The following RNGTT variants were observed in gnomAD, a reference collection of about 807,000 sequenced individuals.
RNGTT encodes the protein RNA guanylyltransferase and 5'-phosphatase.
RNGTT carries 33 observed loss-of-function variants against 79.3 expected under a neutral mutation model. The ratio of observed to expected loss-of-function variants is 0.42; its 90% confidence interval spans 0.32 to 0.56. RNGTT has a LOEUF of 0.56. Among genes scored for constraint, RNGTT ranks in the 20% least tolerant of loss-of-function variants. The pLI is 0.17. For missense variants in RNGTT, 497 were observed against 739.1 expected, an observed-to-expected ratio of 0.67 and a Z score of 3.80; for synonymous variants, 222 against 235.9, an observed-to-expected ratio of 0.94 and a Z score of 0.54.
At chr6:88,686,019 A>G (rs951886178) in intron 13 of RNGTT, among the ~76,000 whole-genome samples, 1 of 151,376 alleles carries the variant, frequency 6.6e-6, no homozygotes, top group Admixed American at 6.6e-5. Flanking sequence ...CATAATATAT[A>G]TACATATGTA....
At chr6:88,726,376 A>G (rs1159045957) in intron 13 of RNGTT, among the ~76,000 whole-genome samples, 1 of 138,064 alleles carries the variant, frequency 7.2e-6, no homozygotes, top group Non-Finnish European at 1.5e-5. Flanking sequence ...TCAGGTCAGA[A>G]CTATCCTAAG....
At chr6:88,872,794 G>A (rs900142814) in intron 8 of RNGTT, among the ~76,000 whole-genome samples, 8 of 152,130 alleles carry the variant, frequency 5.3e-5, no homozygotes, top group Non-Finnish European at 7.4e-5. Context: ...GAGAAGTACT[G>A]AAAAGTGCTG....
At chr6:88,958,894 G>A (rs1785521249) in intron 1 of RNGTT, among the ~76,000 whole-genome samples, 1 of 152,158 alleles carries the variant, frequency 6.6e-6, no homozygotes, top group Admixed American at 6.5e-5. Flanking sequence ...ATCTGAAAAA[G>A]CCACTTGCAC....
rs190895100 is a variant in RNGTT at position 88,955,482 on chromosome 6, G to A, written c.64+7864C>T. Among the ~76,000 whole-genome samples, 42 of 150,432 alleles carry A rather than the reference G, an allele frequency of 2.8e-4. 1 individual carries two copies. Among genetic ancestry groups the A allele is most frequent in the Admixed American group, 2.3e-3 (35 of 15,130 alleles). On this transcript the variant is annotated intron_variant, in intron 1 of 15. Transcript: ENST00000369485. ...GCAGAATCGCTTGAACAGAAGAGGC[G>A]GAGGTTGCAGTGAGCCAAGATCGTA...
At chr6:88,629,603 GA>G (rs563981159) in intron 14 of RNGTT, among the ~76,000 whole-genome samples, 2 of 151,546 alleles carry the variant, frequency 1.3e-5, no homozygotes, top group African/African-American at 4.8e-5. Context: ...TGGGAATAAA[GA>G]AAAAAAACAA....
At chr6:88,915,997 C>T (rs983960252) in intron 4 of RNGTT, among the ~76,000 whole-genome samples, 1 of 152,116 alleles carries the variant, frequency 6.6e-6, no homozygotes. Flanking sequence ...TGTAAGACCA[C>T]GAAGCACATA....
chr6:88,820,618 A>C (rs1780466712), intron 11 of RNGTT, among the ~76,000 whole-genome samples: 1 of 152,230 alleles, frequency 6.6e-6, no homozygotes. Context: ...TCACTTTCCC[A>C]CATACCAGCA....
At chr6:88,863,907 A>G (rs1296087206) in intron 8 of RNGTT, among the ~76,000 whole-genome samples, 2 of 152,122 alleles carry the variant, frequency 1.3e-5, no homozygotes, top group African/African-American at 4.8e-5. Context: ...ATCCCTAAAA[A>G]TCAAGCAGGC....
At chr6:88,923,572 C>G (rs139477545) in intron 4 of RNGTT, among the ~76,000 whole-genome samples, 1 of 152,046 alleles carries the variant, frequency 6.6e-6, no homozygotes, top group Non-Finnish European at 1.5e-5. Context: ...GAGAAACAGA[C>G]GCAGGGAGGT....
intron 12 of RNGTT, among the ~76,000 whole-genome samples, chr6:88,798,398 G>A (rs1199907473): frequency 2.0e-5 from 3 of 151,870 alleles, no homozygotes; most frequent in African/African-American, 4.8e-5. Context: ...CCAGGAGGTC[G>A]AGGCTGCAGT....
chr6:88,910,128 C>A (rs1327739524), intron 4 of RNGTT, among the ~76,000 whole-genome samples: 1 of 152,074 alleles, frequency 6.6e-6, no homozygotes, highest in Non-Finnish European at 1.5e-5. Context: ...AGCAATGGAT[C>A]CCAACCAGAA....
At chr6:88,796,104 G>T (rs1457572833) in intron 12 of RNGTT, among the ~76,000 whole-genome samples, 2 of 152,112 alleles carry the variant, frequency 1.3e-5, no homozygotes, top group Non-Finnish European at 2.9e-5. Context: ...ATTCCCACTG[G>T]ATTTCAAATA....
chr6:88,647,715 A>AAAAAAAAAAAAAAAAAAAAAAAGAAG (rs531898293), intron 14 of RNGTT, among the ~76,000 whole-genome samples: 5 of 142,444 alleles, frequency 3.5e-5, no homozygotes, highest in African/African-American at 1.5e-4. Flanking sequence ...AAAAAAAAAA[A>AAAAAAAAAAAAAAAAAAAAAAAGAAG]AAGAAGAAGA....
At chr6:88,723,151 G>A (rs569472031) in intron 13 of RNGTT, among the ~76,000 whole-genome samples, 3 of 152,274 alleles carry the variant, frequency 2.0e-5, no homozygotes, top group East Asian at 3.9e-4. Flanking sequence ...TCAGTTCCAC[G>A]TGTGTTACTG....
At chr6:88,684,837 G>A (rs893003422) in intron 13 of RNGTT, among the ~76,000 whole-genome samples, 2 of 152,134 alleles carry the variant, frequency 1.3e-5, no homozygotes, top group Non-Finnish European at 2.9e-5. Flanking sequence ...GCACTCTGAT[G>A]CAGAGTACTG....
Position 88,610,524 on chromosome 6 carries a change from C to G in RNGTT, c.*2195G>C, listed in dbSNP as rs1276776141. 1 of 152,214 alleles carries G rather than the reference C, an allele frequency of 6.6e-6. No homozygotes were observed. Among genetic ancestry groups the G allele is most frequent in the African/African-American group, 2.4e-5 (1 of 41,438 alleles). The allele number at this position is 152,214 out of a possible 1,614,324, so 9.4% of individuals were successfully genotyped here. On this transcript the variant is annotated 3_prime_UTR_variant, in exon 16 of 16. Transcript: ENST00000369485. ...AAGTGAGCTGAGAAGGAGCACATTT[C>G]CTTCACAATGTCCAAAATCCTGCCT... is the stretch of plus-strand genomic sequence containing the variant.
At chr6:88,911,812 T>C (rs1783836844) in intron 4 of RNGTT, among the ~76,000 whole-genome samples, 1 of 152,146 alleles carries the variant, frequency 6.6e-6, no homozygotes, top group Admixed American at 6.6e-5. Context: ...TAGAAATGGC[T>C]GGAGGCAGTG....
chr6:88,660,982 T>C (rs2127781779), intron 14 of RNGTT, among the ~76,000 whole-genome samples: 1 of 152,272 alleles, frequency 6.6e-6, no homozygotes, highest in South Asian at 2.1e-4. Flanking sequence ...CAGACCACAG[T>C]GGAATAAAAT....
At chr6:88,767,342 G>A (rs574887703) in intron 13 of RNGTT, among the ~76,000 whole-genome samples, 1 of 151,946 alleles carries the variant, frequency 6.6e-6, no homozygotes, top group African/African-American at 2.4e-5. Flanking sequence ...ATGAATAAAG[G>A]CAAAACTAGG....
Sources: gnomAD v4.1 joint callset for allele counts (sites outside exome capture counted in the v4.1 genomes callset) on GRCh38, gnomAD v4.1.1 for gene constraint, MANE v1.5 for transcripts, NCBI Gene and HGNC (gene_info 2026-07-23, HGNC 2026-07-21) for gene names.